The following MAP3K20 variants were observed in gnomAD, a reference collection of about 807,000 sequenced individuals.
MAP3K20 encodes the protein HCCS-4.
A neutral mutation model predicts 85.7 loss-of-function variants in MAP3K20; 40 were observed. That is an observed-to-expected ratio of 0.47 (90% CI 0.36 to 0.61). The LOEUF (loss-of-function observed/expected upper bound fraction) is 0.61. Ranked by LOEUF, MAP3K20 falls within the 20% of genes least tolerant of loss-of-function variation. MAP3K20 has a pLI of 0.00. For synonymous variants in MAP3K20, 325 were observed against 327.7 expected (o/e 0.99, Z 0.09); for missense variants, 817 against 961.7 (o/e 0.85, Z 1.99).
At chr2:173,166,003 G>C (rs1689809395) in intron 2 of MAP3K20, among the ~76,000 whole-genome samples, 1 of 152,058 alleles carries the variant, frequency 6.6e-6, no homozygotes, top group Admixed American at 6.6e-5. Flanking sequence ...TCACAGTGTT[G>C]TGCACCCATC....
At chr2:173,121,307 A>G (rs1196131779) in intron 2 of MAP3K20, among the ~76,000 whole-genome samples, 2 of 152,182 alleles carry the variant, frequency 1.3e-5, no homozygotes, top group African/African-American at 2.4e-5. Context: ...GCAAAGCAGT[A>G]TGGAAAACTG....
chr2:173,165,994 C>T (rs1226835250), intron 2 of MAP3K20, among the ~76,000 whole-genome samples: 2 of 152,128 alleles, frequency 1.3e-5, no homozygotes, highest in Admixed American at 1.3e-4. Context: ...TTATTATAGT[C>T]ACAGTGTTGT....
chr2:173,088,345 T>C (rs1687198734), intron 1 of MAP3K20, among the ~76,000 whole-genome samples: 1 of 152,168 alleles, frequency 6.6e-6, no homozygotes, highest in African/African-American at 2.4e-5. Context: ...TACAGTACGG[T>C]TGGAAGCTGG....
At position 173,168,752 on chromosome 2, in the gene MAP3K20, A is replaced by G. The variant is rs899677874; in HGVS notation, c.160-1053A>G. Among the ~76,000 whole-genome samples the G allele has an allele frequency of 2.0e-5, 3 of 152,180 alleles. 1 individual carries two copies. The East Asian group carries it at 5.8e-4, about 29-fold the overall frequency. The stretch of plus-strand genomic sequence containing the variant: ...TTACGTGATTTTATACCTCATATTT[A>G]TAATTCTTGATTAGCCATATTTTAT... On this transcript the variant is annotated intron_variant, in intron 2 of 19. Coordinates refer to ENST00000375213, the MANE Select transcript of MAP3K20 (RefSeq NM_016653.3).
intron 12 of MAP3K20, 117 bp downstream of exon 12, chr2:173,229,850 A>G: frequency 8.7e-7 from 1 of 1,144,898 alleles, no homozygotes; most frequent in Non-Finnish European, 1.3e-6. Context: ...GAGGTTGACA[A>G]ATTCTTTTCT....
intron 16 of MAP3K20, among the ~76,000 whole-genome samples, chr2:173,257,319 C>T (rs141806174): frequency 2.6e-5 from 4 of 152,266 alleles, no homozygotes; most frequent in African/African-American, 9.6e-5. Context: ...TTCCTCATAC[C>T]CCTTGTAAGT....
chr2:173,234,815 G>T (rs544133796), intron 14 of MAP3K20, among the ~76,000 whole-genome samples: 1 of 152,194 alleles, frequency 6.6e-6, no homozygotes, highest in Non-Finnish European at 1.5e-5. Context: ...CAGGCTGGGG[G>T]GAAAGAGCTG....
intron 14 of MAP3K20, among the ~76,000 whole-genome samples, chr2:173,237,026 T>TC: frequency 7.5e-6 from 1 of 133,394 alleles, no homozygotes; most frequent in Non-Finnish European, 1.6e-5. Flanking sequence ...CACCTTTTTT[T>TC]TTTTTTTTTT....
At chr2:173,223,356 T>C in intron 11 of MAP3K20, 1 of 874,134 alleles carries the variant, frequency 1.1e-6, no homozygotes, top group Non-Finnish European at 1.4e-6. Flanking sequence ...CAGTACCTAC[T>C]TGAAAGGATC....
intron 2 of MAP3K20, among the ~76,000 whole-genome samples, chr2:173,097,397 G>T (rs964310492): frequency 1.3e-5 from 2 of 151,930 alleles, no homozygotes; most frequent in African/African-American, 4.8e-5. Flanking sequence ...ATTAATCACA[G>T]CAACTTATTT....
intron 2 of MAP3K20, among the ~76,000 whole-genome samples, chr2:173,129,475 C>T (rs1688545188): frequency 6.6e-6 from 1 of 152,006 alleles, no homozygotes; most frequent in Admixed American, 6.6e-5. Flanking sequence ...GTAATACAGC[C>T]CCAGTGTCAG....
At chr2:173,097,494 G>C (rs1171282168) in intron 2 of MAP3K20, among the ~76,000 whole-genome samples, 1 of 152,148 alleles carries the variant, frequency 6.6e-6, no homozygotes, top group Non-Finnish European at 1.5e-5. Context: ...ATGGGAACCT[G>C]ACAGCCTTTA....
intron 9 of MAP3K20, among the ~76,000 whole-genome samples, chr2:173,204,368 T>C (rs1372477397): frequency 1.3e-5 from 2 of 152,222 alleles, no homozygotes; most frequent in East Asian, 1.9e-4. Flanking sequence ...GGACATGAAC[T>C]AGGTCTGGCA....
At chr2:173,140,668 T>A (rs1483993644) in intron 2 of MAP3K20, among the ~76,000 whole-genome samples, 1 of 152,210 alleles carries the variant, frequency 6.6e-6, no homozygotes, top group African/African-American at 2.4e-5. Flanking sequence ...TTTTTTTCTC[T>A]GTATTTATAA....
chr2:173,208,663 T>C (rs1683774298), intron 9 of MAP3K20, among the ~76,000 whole-genome samples: 1 of 152,216 alleles, frequency 6.6e-6, no homozygotes, highest in South Asian at 2.1e-4. Context: ...GGTTTTTATA[T>C]TTCTGAGAAA....
chr2:173,221,239 G>C, intron 11 of MAP3K20: 1 of 1,613,840 alleles, frequency 6.2e-7, no homozygotes. Context: ...TGTCATGTCA[G>C]ATCACAGCAA....
chr2:173,132,237 A>G (rs2106201623), intron 2 of MAP3K20, among the ~76,000 whole-genome samples: 1 of 152,310 alleles, frequency 6.6e-6, no homozygotes, highest in Middle Eastern at 3.4e-3. Flanking sequence ...AGATCATGTC[A>G]TTTCTGCACA....
At chr2:173,223,996 T>A in intron 11 of MAP3K20, 1 of 985,142 alleles carries the variant, frequency 1.0e-6, no homozygotes, top group Non-Finnish European at 1.2e-6. Flanking sequence ...TTCATAGAGC[T>A]CCTTCTCTGT....
chr2:173,230,798 C>G (rs1049719330), intron 12 of MAP3K20, among the ~76,000 whole-genome samples: 10 of 152,094 alleles, frequency 6.6e-5, no homozygotes, highest in Non-Finnish European at 1.3e-4. Flanking sequence ...GAGTTCGAGA[C>G]CAGCCTGGCC....
Sources: allele counts gnomAD v4.1 joint callset (sites outside exome capture counted in the v4.1 genomes callset), GRCh38; gene constraint gnomAD v4.1.1; transcripts MANE v1.5; gene names NCBI Gene and HGNC (gene_info 2026-07-23, HGNC 2026-07-21).